The following AADAC variants were observed in gnomAD, a reference collection of about 807,000 sequenced individuals.
AADAC encodes the protein arylacetamide deacetylase (esterase).
In AADAC, 17 loss-of-function variants were observed where a neutral mutation model predicts 22.7. That is an observed-to-expected ratio of 0.75 (90% confidence interval 0.51 to 1.12). The LOEUF (loss-of-function observed/expected upper bound fraction) is 1.12, where lower values mean the gene tolerates loss of function less well. AADAC is among the 50% of genes most tolerant of loss of function. AADAC has a pLI of 0.00. For missense variants in AADAC, 465 were observed against 473.9 expected (o/e 0.98, Z 0.17); for synonymous variants, 167 against 176.3 (o/e 0.95, Z 0.42).
intron 1 of AADAC, 118 bp from the exon 2 acceptor site, chr3:151,817,248 A>T (rs951011077): frequency 3.6e-6 from 3 of 827,184 alleles, no homozygotes; most frequent in Non-Finnish European, 5.7e-6. Flanking sequence ...GGATTCATGC[A>T]TGAAAATTTA....
At chr3:151,821,769 A>C (rs1202974365) in intron 3 of AADAC, among the ~76,000 whole-genome samples, 1 of 151,924 alleles carries the variant, frequency 6.6e-6, no homozygotes, top group Non-Finnish European at 1.5e-5. Flanking sequence ...TGAAAGATAA[A>C]ATATACTTTA....
intron 3 of AADAC, among the ~76,000 whole-genome samples, chr3:151,824,413 T>C (rs1263051705): frequency 1.3e-5 from 2 of 151,976 alleles, no homozygotes; most frequent in Non-Finnish European, 2.9e-5. Flanking sequence ...AGTGGATACG[T>C]CAGGAATTAA....
rs1374269165 is a variant in AADAC, at chr3:151,827,901, A to C, written c.929A>C (p.Lys310Thr). 6.2e-7 allele frequency: 1 copy of C among 1,611,836 alleles called. No homozygotes were observed. The highest frequency in any genetic ancestry group is 8.5e-7 in the Non-Finnish European group (1 of 1,179,034). ...PNYGSSELAK[K>T]YPGFLDVRAA... ...TATGGCAGTTCTGAGCTGGCTAAAA[A>C]ATATCCAGGGTTCCTAGATGTGAGG... is the stretch of plus-strand genomic sequence containing the variant. Residue 310 changes from lysine to threonine, a missense_variant, in exon 5 of 5, where the codon AAA (lysine) becomes ACA (threonine). Coordinates refer to ENST00000232892, the MANE Select transcript of AADAC (RefSeq NM_001086.3).
At chr3:151,827,005 C>A (rs1348029281) in intron 4 of AADAC, among the ~76,000 whole-genome samples, 1 of 151,910 alleles carries the variant, frequency 6.6e-6, no homozygotes, top group African/African-American at 2.4e-5. Flanking sequence ...ACCTCCACCT[C>A]ATGGGTTCAA....
In AADAC at chr3:151,827,987, A is replaced by C; in HGVS notation, c.1015A>C (p.Thr339Pro). The C allele has an allele frequency of 6.2e-7, 1 of 1,613,036 alleles. No individual in the cohort carries two copies. Among genetic ancestry groups the C allele is most frequent in the Non-Finnish European group, 8.5e-7 (1 of 1,179,374 alleles). Residue 339 changes from threonine to proline, a missense_variant, in exon 5 of 5, where the codon ACC (threonine) becomes CCC (proline). By Grantham distance (38) the Thr-to-Pro change is conservative. Coordinates refer to ENST00000232892, the MANE Select transcript of AADAC (RefSeq NM_001086.3). Reference sequence around the variant, plus strand: ...TGGCTTACCCCTGACCTATGTCATCACCTGTCAATATGATCTCTTAAGAGA... The same window carrying C: ...TGGCTTACCCCTGACCTATGTCATCCCCTGTCAATATGATCTCTTAAGAGA... ...LRGLPLTYVI[T>P]CQYDLLRDDG...
chr3:151,816,824 G>A (rs1309802354), intron 1 of AADAC, among the ~76,000 whole-genome samples: 1 of 151,974 alleles, frequency 6.6e-6, no homozygotes, highest in Non-Finnish European at 1.5e-5. Flanking sequence ...TGATATGGTG[G>A]CAAGACAGGT....
intron 1 of AADAC, among the ~76,000 whole-genome samples, chr3:151,816,837 T>C (rs756382370): frequency 2.6e-5 from 4 of 151,892 alleles, no homozygotes; most frequent in Non-Finnish European, 4.4e-5. Flanking sequence ...AGACAGGTTA[T>C]GGGAAGGAGA....
At chr3:151,822,446 A>G (rs1249665010) in intron 3 of AADAC, among the ~76,000 whole-genome samples, 1 of 152,126 alleles carries the variant, frequency 6.6e-6, no homozygotes, top group Non-Finnish European at 1.5e-5. Context: ...ATATCTATAC[A>G]ATTGAATATT....
intron 2 of AADAC, among the ~76,000 whole-genome samples, chr3:151,818,734 C>T (rs1264642825): frequency 1.3e-5 from 2 of 152,004 alleles, no homozygotes; most frequent in Admixed American, 6.6e-5. Flanking sequence ...AAAGAGGCAG[C>T]TTTAGGCTAA....
At chr3:151,815,503 G>A (rs1023175440) in intron 1 of AADAC, among the ~76,000 whole-genome samples, 2 of 152,084 alleles carry the variant, frequency 1.3e-5, no homozygotes, top group Middle Eastern at 3.4e-3. Context: ...GTGATGCAGA[G>A]CTATTAAAGA....
chr3:151,817,888 T>C (rs1716059243), intron 2 of AADAC, among the ~76,000 whole-genome samples: 1 of 152,056 alleles, frequency 6.6e-6, no homozygotes, highest in African/African-American at 2.4e-5. Flanking sequence ...AACCATTTAA[T>C]GTTTTCATCC....
chr3:151,822,924 T>A (rs1716309902), intron 3 of AADAC, among the ~76,000 whole-genome samples: 2 of 151,972 alleles, frequency 1.3e-5, no homozygotes, highest in African/African-American at 4.8e-5. Flanking sequence ...ATATTAAAAA[T>A]TAAGGGCATA....
chr3:151,823,875 T>C (rs994395488), intron 3 of AADAC, among the ~76,000 whole-genome samples: 3 of 152,038 alleles, frequency 2.0e-5, no homozygotes, highest in Non-Finnish European at 4.4e-5. Context: ...AACATTTTTT[T>C]ACTTGGAAAA....
intron 3 of AADAC, among the ~76,000 whole-genome samples, chr3:151,820,954 G>A (rs906280976): frequency 2.6e-5 from 4 of 151,026 alleles, no homozygotes; most frequent in Admixed American, 2.0e-4. Context: ...GTATATGTGT[G>A]TACACGTGTT....
intron 2 of AADAC, among the ~76,000 whole-genome samples, chr3:151,818,200 C>A (rs992101854): frequency 6.7e-6 from 1 of 149,472 alleles, no homozygotes; most frequent in Non-Finnish European, 1.5e-5. Flanking sequence ...AAGATTGCAC[C>A]GTTGCACTCC....
chr3:151,819,106 A>C (rs1330824854), intron 2 of AADAC, among the ~76,000 whole-genome samples: 2 of 100,330 alleles, frequency 2.0e-5, no homozygotes, highest in African/African-American at 7.1e-5. Context: ...AAAAGACAGA[A>C]GATTAAAAAA....
intron 3 of AADAC, 74 bp from the exon 4 acceptor site, chr3:151,824,589 T>A: frequency 8.1e-7 from 1 of 1,236,640 alleles, no homozygotes; most frequent in South Asian, 2.3e-5. Context: ...TTGTCATTAC[T>A]TTTGCACCAA....
intron 3 of AADAC, among the ~76,000 whole-genome samples, chr3:151,822,770 A>T (rs1195532652): frequency 6.6e-6 from 1 of 152,042 alleles, no homozygotes; most frequent in Non-Finnish European, 1.5e-5. Flanking sequence ...ACTAATGGGT[A>T]TAGGATTTCC....
chr3:151,817,560 T>C lies in AADAC; in HGVS notation c.333T>C (p.His111=), dbSNP rs370320533. The C allele has an allele frequency of 3.2e-5, 51 of 1,613,510 alleles. 1 individual carries two copies. The highest frequency in any genetic ancestry group is 3.9e-5 in the Non-Finnish European group (46 of 1,179,640). Residue 111 remains histidine, a synonymous_variant, in exon 2 of 5, where the codon CAT becomes CAC. Transcript: ENST00000232892. ...TAAGAAGGGGGTTGTTTTACATCCA[T>C]GGTGGAGGCTGGTGCGTGGGAAGTG... ...EALRRGLFYI[H]GGGWCVGSAA... is the part of the protein sequence containing the mutation.
Sources: gnomAD v4.1 joint callset for allele counts (sites outside exome capture counted in the v4.1 genomes callset) on GRCh38, gnomAD v4.1.1 for gene constraint, MANE v1.5 for transcripts, NCBI Gene and HGNC (gene_info 2026-07-23, HGNC 2026-07-21) for gene names.